Variants in CPT1A observed in about 807,000 individuals in gnomAD.
CPT1A encodes carnitine O-palmitoyltransferase 1, liver isoform.
Under a neutral mutation model 100.8 loss-of-function variants are expected in CPT1A, and 64 were observed. That is an observed-to-expected ratio of 0.63 (90% CI 0.52 to 0.78). The LOEUF (loss-of-function observed/expected upper bound fraction) is 0.78. CPT1A is among the 30% of genes least tolerant of loss of function. The probability of loss-of-function intolerance (pLI) is 0.00; values close to 1 mark genes in which losing one functional copy is unlikely to be tolerated. For missense variants in CPT1A, 802 were observed against 1,034.1 expected (o/e 0.78, Z 3.08); for synonymous variants, 363 against 396.0 (o/e 0.92, Z 0.99).
chr11:68,768,063 AGTCT>A (rs1264965231), intron 14 of CPT1A, among the ~76,000 whole-genome samples: 2 of 95,594 alleles, frequency 2.1e-5, no homozygotes, highest in Non-Finnish European at 3.8e-5. Flanking sequence ...TCTAGTTTCC[AGTCT>A]TTTTTTTTTT....
At chr11:68,805,716 T>G (rs544132057) in intron 4 of CPT1A, among the ~76,000 whole-genome samples, 2 of 152,316 alleles carry the variant, frequency 1.3e-5, no homozygotes, top group East Asian at 1.9e-4. Context: ...CGAGAAAGAT[T>G]CTGCAGAAAA....
In CPT1A at chr11:68,760,271, A is replaced by G; in HGVS notation, c.2096T>C (p.Leu699Ser). 1.9e-6 allele frequency: 3 copies of G among 1,612,812 alleles called. No homozygotes were observed. Among genetic ancestry groups the G allele is most frequent in the Non-Finnish European group, 2.5e-6 (3 of 1,179,768 alleles). ...GGACACGTACTCTGGGTTATTCTCC[A>G]AGTCAAACAGCTCCACTTGCTGCTG... is the stretch of plus-strand genomic sequence containing the variant. ...TPQQQVELFD[L>S]ENNPEYVSSG... is the part of the protein sequence containing the mutation. The change falls in exon 17 of 19, where the codon TTG (leucine) becomes TCG (serine). Residue 699 changes from leucine (L) to serine (S), a missense_variant. This residue lies in a region of CPT1A where 627 missense variants were observed against 799.3 expected (regional missense o/e 0.78). Transcript: ENST00000265641.
chr11:68,759,642 C>T lies in CPT1A; in HGVS notation c.2162G>A (p.Gly721Asp). The change falls in exon 18 of 19, where the codon GGT becomes GAT. Residue 721 changes from glycine to aspartate, a missense_variant. Gly to Asp is a moderately conservative substitution (Grantham distance 94). Around this residue, in one of 4 missense-constraint regions of CPT1A, gnomAD observed 627 missense variants for 799.3 expected, o/e 0.78. Transcript: ENST00000265641. The stretch of plus-strand genomic sequence containing the variant: ...CTCTCCCACAAGGATGTACGACACA[C>T]CATAGCCGTCATCAGCAACCTGGAG... Reference protein sequence around the residue: ...GFGPVADDGYGVSYILVGENL... With the variant: ...GFGPVADDGYDVSYILVGENL... 6.2e-7 allele frequency: 1 copy of T among 1,613,486 alleles called. No homozygotes were observed. Among genetic ancestry groups the T allele is most frequent in the East Asian group, 2.2e-5 (1 of 44,870 alleles).
chr11:68,783,584 C>T (rs1013090648), intron 10 of CPT1A, among the ~76,000 whole-genome samples: 8 of 152,246 alleles, frequency 5.3e-5, no homozygotes, highest in Non-Finnish European at 1.2e-4. Context: ...TTACTCCCAG[C>T]GATAGCGTAG....
rs763531379 is a variant in CPT1A, at chr11:68,781,831, T to C, written c.1292A>G (p.Asp431Gly). The C allele has an allele frequency of 6.2e-7, 1 of 1,614,084 alleles. No individual in the cohort carries two copies. ...DETEEGYRSEDPDTSMDSYAK... is the reference protein window; with the variant it reads ...DETEEGYRSEGPDTSMDSYAK... ...GTAGCTGTCCATTGACGTATCCGGG[T>C]CTTCACTTCTGTATCCTTCTTCAGT... Residue 431 changes from aspartate to glycine, a missense_variant, in exon 11 of 19, where the codon GAC becomes GGC. Asp to Gly is a moderately conservative substitution (Grantham distance 94). Coordinates refer to ENST00000265641, the MANE Select transcript of CPT1A (RefSeq NM_001876.4).
At chr11:68,838,013 C>T (rs568552868) in intron 1 of CPT1A, among the ~76,000 whole-genome samples, 31 of 152,200 alleles carry the variant, frequency 2.0e-4, no homozygotes, top group Non-Finnish European at 3.2e-4. Context: ...GCTGGCTCTC[C>T]GGCTCCTGGG....
At chr11:68,817,505 G>A (rs1432131801) in intron 1 of CPT1A, among the ~76,000 whole-genome samples, 1 of 152,132 alleles carries the variant, frequency 6.6e-6, no homozygotes, top group Non-Finnish European at 1.5e-5. Context: ...AGCAACGCAG[G>A]AGCAGTGCTC....
intron 9 of CPT1A, among the ~76,000 whole-genome samples, chr11:68,787,259 A>AC (rs995374934): frequency 1.8e-4 from 28 of 151,824 alleles, no homozygotes; most frequent in African/African-American, 6.5e-4. Flanking sequence ...ATATGGTGAA[A>AC]CCCCATCTCT....
At chr11:68,827,041 C>T (rs1178853830) in intron 1 of CPT1A, among the ~76,000 whole-genome samples, 1 of 152,008 alleles carries the variant, frequency 6.6e-6, no homozygotes, top group Non-Finnish European at 1.5e-5. Flanking sequence ...GGTGGAAGAA[C>T]GCCAGTCACT....
intron 10 of CPT1A, 32 bp downstream of exon 10, chr11:68,784,783 C>A (rs770036129): frequency 1.3e-6 from 2 of 1,599,086 alleles, no homozygotes; most frequent in Non-Finnish European, 1.7e-6. Context: ...CCACCACCCC[C>A]CAAAACAGGA....
rs1855963146 is a variant in CPT1A, at chr11:68,803,607, A to C, written c.555+393T>G. 2.6e-5 allele frequency among the ~76,000 whole-genome samples: 4 copies of C among 152,130 alleles called. No homozygotes were observed. The South Asian group carries it at 8.3e-4, about 32-fold the overall frequency. On this transcript the variant is annotated intron_variant, in intron 5 of 18. Coordinates refer to ENST00000265641, the MANE Select transcript of CPT1A (RefSeq NM_001876.4). ...GTGCCTGTAATCCCAGCTACTCGGGAGGCTGGGGCAGGAGAATCACTTGAA... is the reference window on the plus strand; with the variant it reads ...GTGCCTGTAATCCCAGCTACTCGGGCGGCTGGGGCAGGAGAATCACTTGAA...
chr11:68,824,794 CTTT>C (rs60451933), intron 1 of CPT1A, among the ~76,000 whole-genome samples: 2 of 120,354 alleles, frequency 1.7e-5, no homozygotes, highest in Admixed American at 9.5e-5. Context: ...GCAATTGTAT[CTTT>C]TTTTTTTTTT....
intron 14 of CPT1A, among the ~76,000 whole-genome samples, chr11:68,767,573 G>A (rs1206182580): frequency 6.6e-6 from 1 of 152,184 alleles, no homozygotes; most frequent in East Asian, 1.9e-4. Context: ...CTGGGCAAGA[G>A]TAAGACCCTG....
chr11:68,759,610 T>A lies in CPT1A; in HGVS notation c.2194A>T (p.Ile732Phe). The change falls in exon 18 of 19, where the codon ATC (isoleucine) becomes TTC (phenylalanine). Residue 732 changes from isoleucine (I) to phenylalanine (F), a missense_variant. Physicochemically the swap from Ile to Phe is conservative, Grantham distance 21 (BLOSUM62 0). Around this residue, in one of 4 missense-constraint regions of CPT1A, gnomAD observed 627 missense variants for 799.3 expected, o/e 0.78. Transcript: ENST00000265641. ...AACTTGGAAGAAATGTGGAAATTGATGAGGTTCTCTCCCACAAGGATGTAC... is the reference window on the plus strand; with the variant it reads ...AACTTGGAAGAAATGTGGAAATTGAAGAGGTTCTCTCCCACAAGGATGTAC... Reference protein sequence around the residue: ...VSYILVGENLINFHISSKFSC... With the variant: ...VSYILVGENLFNFHISSKFSC... 6.2e-7 allele frequency: 1 copy of A among 1,613,882 alleles called. No homozygotes were observed. The highest frequency in any genetic ancestry group is 8.5e-7 in the Non-Finnish European group (1 of 1,179,804).
intron 3 of CPT1A, among the ~76,000 whole-genome samples, chr11:68,811,138 T>C (rs1431383858): frequency 6.6e-6 from 1 of 152,202 alleles, no homozygotes; most frequent in Non-Finnish European, 1.5e-5. Context: ...AGCTTCGTTT[T>C]TTAGCTTAGC....
In CPT1A at chr11:68,819,171, C is replaced by T. The variant is rs142886485; in HGVS notation, c.-13-3684G>A. ...TCAGCTCACTGCAACTTCCACCTCC[C>T]GGGTTCAAGCGATTCTCATGCTTCA... On this transcript the variant is annotated intron_variant, in intron 1 of 18. Coordinates refer to ENST00000265641, the MANE Select transcript of CPT1A (RefSeq NM_001876.4). 4.8e-3 allele frequency among the ~76,000 whole-genome samples: 726 copies of T among 152,240 alleles called. 4 individuals are homozygous for T. Among genetic ancestry groups the T allele is most frequent in the African/African-American group, 0.014 (585 of 41,532 alleles).
chr11:68,831,200 A>T (rs1365406709), intron 1 of CPT1A, among the ~76,000 whole-genome samples: 1 of 152,148 alleles, frequency 6.6e-6, no homozygotes, highest in Non-Finnish European at 1.5e-5. Context: ...TGGCCTATGA[A>T]TCCTAACACT....
intron 3 of CPT1A, among the ~76,000 whole-genome samples, chr11:68,810,716 G>T (rs1377252102): frequency 6.6e-6 from 1 of 152,184 alleles, no homozygotes; most frequent in African/African-American, 2.4e-5. Context: ...TGGGCATGGT[G>T]GCTCACACCT....
At chr11:68,789,906 C>T (rs930379619) in intron 9 of CPT1A, among the ~76,000 whole-genome samples, 1 of 152,134 alleles carries the variant, frequency 6.6e-6, no homozygotes, top group African/African-American at 2.4e-5. Context: ...CCTTTTAAAA[C>T]AGTTTGAAGT....
Sources: gnomAD v4.1 joint callset for allele counts (sites outside exome capture counted in the v4.1 genomes callset) on GRCh38, gnomAD v4.1.1 for gene constraint, gnomAD v4.1.1 regional missense constraint, MANE v1.5 for transcripts, NCBI Gene and HGNC (gene_info 2026-07-23, HGNC 2026-07-21) for gene names.